Variants in LRIG3 observed in about 807,000 individuals in gnomAD.
The protein encoded by LRIG3 is leucine rich repeats and immunoglobulin like domains 3, also known as leucine-rich repeats and immunoglobulin-like domains protein 3.
LRIG3 carries 76 observed loss-of-function variants against 114.5 expected under a neutral mutation model. That is an observed-to-expected ratio of 0.66 (90% CI 0.55 to 0.80). LRIG3 has a LOEUF of 0.80. Among genes scored for constraint, LRIG3 ranks in the 30% least tolerant of loss-of-function variants. The pLI, the probability that LRIG3 is intolerant of heterozygous loss-of-function variation, is 0.00. For missense variants in LRIG3, 1,239 were observed against 1,382.8 expected (o/e 0.90, Z 1.65); for synonymous variants, 512 against 519.8 (o/e 0.98, Z 0.20).
At chr12:58,889,734 G>A (rs560432578) in intron 5 of LRIG3, among the ~76,000 whole-genome samples, 1 of 152,054 alleles carries the variant, frequency 6.6e-6, no homozygotes, top group East Asian at 1.9e-4. Flanking sequence ...TGGCACTTTT[G>A]TACCAGCCTT....
At chr12:58,886,955 G>A in intron 8 of LRIG3, 65 bp from the exon 9 acceptor site, 1 of 1,230,784 alleles carries the variant, frequency 8.1e-7, no homozygotes. Context: ...CACCACCCAG[G>A]TGGCATATCA....
chr12:58,920,156 G>T lies in LRIG3; in HGVS notation c.80C>A (p.Ser27Ter). Residue 27 changes from serine to a stop codon, truncating the protein, a stop_gained, in exon 1 of 19, where the codon TCA becomes TAA. Coordinates refer to ENST00000320743, the MANE Select transcript of LRIG3 (RefSeq NM_153377.5). LOFTEE classifies it high-confidence loss of function. Reference sequence around the variant, plus strand: ...GAGTTCCCCGCGACCGCCGCTGTCTGACCGGCCAGCGCGCCCCAGCACCGC... The same window carrying T: ...GAGTTCCCCGCGACCGCCGCTGTCTTACCGGCCAGCGCGCCCCAGCACCGC... Reference protein sequence around the residue: ...LCAVLGRAGRSDSGGRGELGQ... With the variant: ...LCAVLGRAGR 6.5e-7 allele frequency: 1 copy of T among 1,541,428 alleles called. No individual in the cohort carries two copies. The highest frequency in any genetic ancestry group is 8.7e-7 in the Non-Finnish European group (1 of 1,146,136).
intron 10 of LRIG3, among the ~76,000 whole-genome samples, chr12:58,884,692 C>T (rs1329528946): frequency 6.6e-6 from 1 of 152,118 alleles, no homozygotes; most frequent in African/African-American, 2.4e-5. Flanking sequence ...TCCAAGTCTC[C>T]CTCAGAGGAA....
At chr12:58,878,348 A>G (rs1871000542) in intron 14 of LRIG3, among the ~76,000 whole-genome samples, 1 of 152,206 alleles carries the variant, frequency 6.6e-6, no homozygotes, top group Non-Finnish European at 1.5e-5. Context: ...AGATACGTGA[A>G]TAATAATTGT....
chr12:58,910,607 C>CA (rs1030568515), intron 3 of LRIG3, among the ~76,000 whole-genome samples: 29 of 148,720 alleles, frequency 1.9e-4, no homozygotes, highest in Admixed American at 3.3e-4. Flanking sequence ...GACTCCGTCT[C>CA]AAAAAAAAAC....
At chr12:58,886,702 G>A in intron 9 of LRIG3, 108 bp downstream of exon 9, 1 of 828,934 alleles carries the variant, frequency 1.2e-6, no homozygotes, top group Non-Finnish European at 2.0e-6. Flanking sequence ...ACCAGATTAA[G>A]CACTGATTTC....
chr12:58,899,877 C>T (rs10877184), intron 3 of LRIG3, among the ~76,000 whole-genome samples: 23,829 of 152,066 alleles, frequency 0.16, 2,674 homozygotes, highest in African/African-American at 0.31. Flanking sequence ...GAATCTTCTC[C>T]CAAATTCTCC....
intron 3 of LRIG3, among the ~76,000 whole-genome samples, chr12:58,906,498 G>A (rs1201982705): frequency 6.6e-6 from 1 of 152,106 alleles, no homozygotes; most frequent in Non-Finnish European, 1.5e-5. Flanking sequence ...GTTTCCCAAA[G>A]CTGTTTTTTT....
chr12:58,893,029 C>T (rs987947724), intron 3 of LRIG3, among the ~76,000 whole-genome samples: 1 of 152,172 alleles, frequency 6.6e-6, no homozygotes, highest in Non-Finnish European at 1.5e-5. Context: ...ATCATCATGC[C>T]AACATTAAGA....
chr12:58,903,957 T>G (rs998186494), intron 3 of LRIG3, among the ~76,000 whole-genome samples: 1 of 152,154 alleles, frequency 6.6e-6, no homozygotes, highest in Non-Finnish European at 1.5e-5. Context: ...CATGCTGTTT[T>G]GGTGACTGTA....
Position 58,877,717 on chromosome 12 carries a change from G to A in LRIG3, c.2219C>T (p.Thr740Ile). Residue 740 changes from threonine (T) to isoleucine (I), a missense_variant, in exon 15 of 19, where the codon ACC (threonine) becomes ATC (isoleucine). By Grantham distance (89) the Thr-to-Ile change is moderately conservative. Transcript: ENST00000320743. ...WTKDDSPLVV[T>I]ERHFFAAGNQ... ...GCCTGCTGCAAAAAAGTGCCTCTCG[G>A]TTACCACCAATGGGCTATCATCTTT... The A allele has an allele frequency of 5.0e-6, 8 of 1,614,178 alleles. No individual in the cohort carries two copies. The highest frequency in any genetic ancestry group is 6.8e-6 in the Non-Finnish European group (8 of 1,180,048).
chr12:58,917,092 G>T (rs943523980), intron 1 of LRIG3, among the ~76,000 whole-genome samples: 1 of 152,078 alleles, frequency 6.6e-6, no homozygotes, highest in Admixed American at 6.5e-5. Flanking sequence ...GGAAAATACA[G>T]AAAAACAGCT....
rs768180892 is a variant in LRIG3 at position 58,878,835 on chromosome 12, A to G, written c.2072T>C (p.Leu691Pro). ...ACAAATTCACCCACCTAGGACAGTC[A>G]GAGTTGCATTTGCTGAAATACTTCC... Reference protein sequence around the residue: ...SAGSISANATLTVLETPSFLR... With the variant: ...SAGSISANATPTVLETPSFLR... The change falls in exon 14 of 19, where the codon CTG becomes CCG. Residue 691 changes from leucine (L) to proline (P), a missense_variant. By Grantham distance (98) the Leu-to-Pro change is moderately conservative (BLOSUM62 -3). Transcript: ENST00000320743. The G allele has an allele frequency of 6.2e-7, 1 of 1,613,590 alleles. No individual in the cohort carries two copies. Among genetic ancestry groups the G allele is most frequent in the Non-Finnish European group, 8.5e-7 (1 of 1,179,552 alleles).
In LRIG3 at chr12:58,872,771, G is replaced by A; in HGVS notation, c.3161C>T (p.Ser1054Leu). Residue 1054 changes from serine (S) to leucine (L), a missense_variant, in exon 19 of 19, where the codon TCA becomes TTA. By Grantham distance (145) the Ser-to-Leu change is moderately radical (BLOSUM62 -2). Coordinates refer to ENST00000320743, the MANE Select transcript of LRIG3 (RefSeq NM_153377.5). ...ALRRPHLDAY[S>L]SFGQPSDCQP... ...ACAATCTGATGGCTGTCCAAAGCTT[G>A]AATAGGCATCTAGGTGAGGTCTCCT... 3.1e-6 allele frequency: 5 copies of A among 1,614,060 alleles called. No individual in the cohort carries two copies. Among genetic ancestry groups the A allele is most frequent in the Non-Finnish European group, 4.2e-6 (5 of 1,179,960 alleles).
intron 1 of LRIG3, among the ~76,000 whole-genome samples, chr12:58,917,602 AC>A (rs1872526269): frequency 6.6e-6 from 1 of 152,210 alleles, no homozygotes; most frequent in Admixed American, 6.5e-5. Flanking sequence ...GACTTTTCAC[AC>A]ATGGGACTCC....
intron 3 of LRIG3, among the ~76,000 whole-genome samples, chr12:58,910,419 C>G (rs912856402): frequency 1.8e-4 from 27 of 152,016 alleles, no homozygotes; most frequent in Admixed American, 9.2e-4. Flanking sequence ...ACCGTCCTGG[C>G]TAACACGGTG....
chr12:58,876,862 C>T (rs1342028807), intron 15 of LRIG3, among the ~76,000 whole-genome samples: 3 of 152,178 alleles, frequency 2.0e-5, no homozygotes, highest in African/African-American at 7.2e-5. Context: ...AATGTTTAAA[C>T]AGATTTTTTA....
At chr12:58,894,266 G>C (rs1871559644) in intron 3 of LRIG3, among the ~76,000 whole-genome samples, 2 of 152,132 alleles carry the variant, frequency 1.3e-5, no homozygotes, top group Admixed American at 6.6e-5. Context: ...CTGCTTCCTA[G>C]CACAAAAATC....
chr12:58,880,771 G>T lies in LRIG3; in HGVS notation c.1611C>A (p.Asp537Glu). 1 of 1,614,198 alleles carries T rather than the reference G, an allele frequency of 6.2e-7. No homozygotes were observed. The highest frequency in any genetic ancestry group is 8.5e-7 in the Non-Finnish European group (1 of 1,180,040). ...DSPMTFAWKK[D>E]NELLHDAEME... is the part of the protein sequence containing the mutation. ...TTTCAGCATCATGCAGTAGTTCATT[G>T]TCTTTTTTCCAAGCAAAAGTCATTG... The change falls in exon 13 of 19, where the codon GAC becomes GAA. Residue 537 changes from aspartate (D) to glutamate (E), a missense_variant. Coordinates refer to ENST00000320743, the MANE Select transcript of LRIG3 (RefSeq NM_153377.5).
Sources: allele counts gnomAD v4.1 joint callset (sites outside exome capture counted in the v4.1 genomes callset), GRCh38; gene constraint gnomAD v4.1.1; transcripts MANE v1.5; gene names NCBI Gene and HGNC (gene_info 2026-07-23, HGNC 2026-07-21).